The following CLCN7 variants were observed in gnomAD, a reference collection of about 807,000 sequenced individuals.
CLCN7 encodes the protein H(+)/Cl(-) exchange transporter 7.
In CLCN7, 60 loss-of-function variants were observed where a neutral mutation model predicts 102.1. That is an observed-to-expected ratio of 0.59 (90% confidence interval 0.48 to 0.73). The LOEUF (loss-of-function observed/expected upper bound fraction) is 0.73. CLCN7 is among the 30% of genes least tolerant of loss of function. CLCN7 has a pLI of 0.00. For synonymous variants in CLCN7, 560 were observed against 490.5 expected (o/e 1.14, Z -1.87); for missense variants, 962 against 1,125.7 (o/e 0.85, Z 2.08).
intron 9 of CLCN7, 99 bp from the exon 10 acceptor site, chr16:1,456,305 G>C: frequency 1.1e-6 from 1 of 879,596 alleles, no homozygotes; most frequent in Non-Finnish European, 1.8e-6. Context: ...CAGGGGAAGG[G>C]GCTTTCAGGA....
At chr16:1,469,081 C>A (rs2039043835) in intron 1 of CLCN7, among the ~76,000 whole-genome samples, 1 of 151,544 alleles carries the variant, frequency 6.6e-6, no homozygotes, top group African/African-American at 2.4e-5. Flanking sequence ...TGGTGCACAC[C>A]TGTAATCCCA....
chr16:1,467,151 G>A (rs940936325), intron 1 of CLCN7, among the ~76,000 whole-genome samples: 1 of 152,132 alleles, frequency 6.6e-6, no homozygotes, highest in African/African-American at 2.4e-5. Context: ...CCCAGGCAAA[G>A]AGCACTCTCA....
In CLCN7 at chr16:1,460,808, A is replaced by G; in HGVS notation, c.484+8T>C. 2 of 1,613,914 alleles carry G rather than the reference A, an allele frequency of 1.2e-6. No homozygotes were observed. The highest frequency in any genetic ancestry group is 1.7e-6 in the Non-Finnish European group (2 of 1,179,926). On this transcript the variant is annotated splice_region_variant and intron_variant, in intron 5 of 24. Transcript: ENST00000382745. The stretch of plus-strand genomic sequence containing the variant: ...CCCAAGCTGCAGCGGCCGCACTGGG[A>G]AGGATACTGCCCTTGATGACCCTGT...
chr16:1,455,926 A>G, intron 10 of CLCN7, 131 bp from the exon 11 acceptor site: 1 of 1,103,004 alleles, frequency 9.1e-7, no homozygotes, highest in Non-Finnish European at 1.3e-6. Context: ...CCCCAGCCAC[A>G]CAGAGAGGGA....
intron 10 of CLCN7, 112 bp downstream of exon 10, chr16:1,455,982 CTTCCAAATGCCCCGGCCGT>C (rs1473626446): frequency 2.6e-5 from 26 of 1,005,938 alleles, no homozygotes; most frequent in Non-Finnish European, 3.9e-5. Flanking sequence ...CTGCCGGCCG[CTTCCAAATGCCCCGGCCGT>C]GACTCCAAGC....
chr16:1,448,179 A>C, intron 21 of CLCN7, 176 bp downstream of exon 21: 1 of 876,312 alleles, frequency 1.1e-6, no homozygotes, highest in Non-Finnish European at 1.8e-6. Flanking sequence ...CCCCCCCACC[A>C]GCCTCAGCGT....
chr16:1,454,580 G>T, intron 12 of CLCN7, 115 bp from the exon 13 acceptor site: 1 of 990,162 alleles, frequency 1.0e-6, no homozygotes. Flanking sequence ...GAGCCTTCCC[G>T]CCCTTCCACG....
intron 7 of CLCN7, among the ~76,000 whole-genome samples, chr16:1,458,041 G>A (rs940972807): frequency 3.6e-5 from 5 of 137,040 alleles, no homozygotes; most frequent in South Asian, 4.6e-4. Flanking sequence ...AAGCTGGGCC[G>A]CCCACCGCAT....
At chr16:1,451,568 G>C in intron 16 of CLCN7, 55 bp downstream of exon 16, 1 of 1,488,028 alleles carries the variant, frequency 6.7e-7, no homozygotes, top group South Asian at 1.1e-5. Context: ...TCAGCCAGAA[G>C]GCATCACCCA....
chr16:1,454,392 T>G lies in CLCN7; in HGVS notation c.1153+19A>C, dbSNP rs759303660. 6.2e-7 allele frequency: 1 copy of G among 1,611,298 alleles called. No individual in the cohort carries two copies. The highest frequency in any genetic ancestry group is 1.1e-5 in the South Asian group (1 of 91,056). ...CCAGGCCCGCAGGCCGTCCCTGCGG[T>G]GCTGGGAGAAGCCCTTACCCACCAC... On this transcript the variant is annotated intron_variant, in intron 13 of 24. Transcript: ENST00000382745.
In CLCN7 at chr16:1,457,569, A is replaced by G; in HGVS notation, c.738+125T>C. ...ACCAGAAGGACCGGTGCTCAGAGAC[A>G]CGCGTGACGCGGCCCTTCCTGGAGA... is the stretch of plus-strand genomic sequence containing the variant. On this transcript the variant is annotated intron_variant, in intron 8 of 24. Transcript: ENST00000382745. The surrounding 1 kb of genome is among the most constrained non-coding windows in gnomAD (Gnocchi z 5.4). The G allele has an allele frequency of 1.2e-6, 1 of 822,024 alleles. No individual in the cohort carries two copies. Among genetic ancestry groups the G allele is most frequent in the South Asian group, 1.4e-5 (1 of 70,704 alleles). 50.9% of individuals were successfully genotyped at this position (822,024 alleles called of 1,614,324 possible). A position where few individuals can be genotyped will look rare whatever the true frequency, so the allele number is the denominator to read the frequency against.
rs545563627 is a variant in CLCN7 at position 1,461,806 on chromosome 16, G to A, written c.214-132C>T. 1.7e-4 allele frequency: 134 copies of A among 798,382 alleles called. 2 individuals are homozygous for A. The South Asian group carries it at 1.9e-3, about 12-fold the overall frequency. 49.5% of individuals were successfully genotyped at this position (798,382 alleles called of 1,614,324 possible). A position where few individuals can be genotyped will look rare whatever the true frequency, so the allele number is the denominator to read the frequency against. ...AGGACACAGCAAGAGAACTGCACAT[G>A]GGGCGCGGTGGCTGACACCTACAAT... On this transcript the variant is annotated intron_variant, in intron 2 of 24. Transcript: ENST00000382745.
At chr16:1,465,370 C>G (rs1405984695) in intron 1 of CLCN7, 32 bp from the exon 2 acceptor site, 2 of 1,586,992 alleles carry the variant, frequency 1.3e-6, no homozygotes, top group Admixed American at 3.4e-5. Flanking sequence ...TGAGGGCGCT[C>G]AGGCGTCGCA....
At chr16:1,465,673 G>A (rs1169095710) in intron 1 of CLCN7, among the ~76,000 whole-genome samples, 7 of 152,228 alleles carry the variant, frequency 4.6e-5, no homozygotes, top group Non-Finnish European at 8.8e-5. Context: ...TGCAGTGCCC[G>A]CCACAGCACC....
intron 2 of CLCN7, among the ~76,000 whole-genome samples, chr16:1,463,789 AT>A (rs1372828626): frequency 3.6e-4 from 50 of 139,984 alleles, no homozygotes; most frequent in African/African-American, 1.1e-3. Flanking sequence ...AAAAAAAAAA[AT>A]TTGAGGCAGG....
At chr16:1,472,385 T>C (rs8050360) in intron 1 of CLCN7, 25,155 of 152,016 alleles carry the variant, frequency 0.17, 2,184 homozygotes, top group African/African-American at 0.2. Flanking sequence ...CGCTCACCAC[T>C]ATACTCGGCT....
intron 1 of CLCN7, among the ~76,000 whole-genome samples, chr16:1,470,048 G>A (rs1285475997): frequency 1.3e-5 from 2 of 152,264 alleles, no homozygotes; most frequent in Admixed American, 1.3e-4. Flanking sequence ...CTGGGCAGCA[G>A]GAGGAAGGGA....
chr16:1,454,307 G>A, intron 13 of CLCN7, 104 bp downstream of exon 13: 3 of 1,226,930 alleles, frequency 2.4e-6, no homozygotes, highest in Admixed American at 3.5e-5. Context: ...CTGGGATGAG[G>A]GCAGGCTCCA....
intron 12 of CLCN7, 82 bp from the exon 13 acceptor site, chr16:1,454,547 C>G: frequency 7.6e-7 from 1 of 1,312,096 alleles, no homozygotes; most frequent in Non-Finnish European, 1.1e-6. Flanking sequence ...GGACCACCAT[C>G]TTAAGAGAGC....
Sources: allele counts gnomAD v4.1 joint callset (sites outside exome capture counted in the v4.1 genomes callset), GRCh38; gene constraint gnomAD v4.1.1; non-coding constraint Gnocchi (gnomAD v3.1); transcripts MANE v1.5; gene names NCBI Gene and HGNC (gene_info 2026-07-23, HGNC 2026-07-21).